The following TMEM178B variants were observed in gnomAD, a reference collection of about 807,000 sequenced individuals.
TMEM178B encodes the protein transmembrane protein 178B.
Under a neutral mutation model 31.0 loss-of-function variants are expected in TMEM178B, and 5 were observed. The observed-to-expected ratio is 0.16, with a 90% CI of 0.08 to 0.34. The LOEUF (loss-of-function observed/expected upper bound fraction) is 0.34, where lower values mean the gene tolerates loss of function less well. Among genes scored for constraint, TMEM178B ranks in the 10% least tolerant of loss-of-function variants. The pLI is 1.00. For synonymous variants in TMEM178B, 164 were observed against 164.0 expected (o/e 1.00, Z 0.00); for missense variants, 275 against 400.3 (o/e 0.69, Z 2.67).
rs558469453 is a variant in TMEM178B, at chr7:141,329,435, A to T, written c.497-108173A>T. ...GGTAACAGATTCTGCAAGGCAGCGT[A>T]CAGCCTCTTGAACCACCGTATCAAA... is the stretch of plus-strand genomic sequence containing the variant. On this transcript the variant is annotated intron_variant, in intron 2 of 3. Coordinates refer to ENST00000565468, the MANE Select transcript of TMEM178B (RefSeq NM_001195278.2). 5.3e-5 allele frequency among the ~76,000 whole-genome samples: 8 copies of T among 152,314 alleles called. No homozygotes were observed. In the East Asian group the frequency reaches 1.5e-3, roughly 29 times the overall value.
intron 1 of TMEM178B, among the ~76,000 whole-genome samples, chr7:141,190,498 A>T (rs1796679814): frequency 6.6e-6 from 1 of 150,588 alleles, no homozygotes. Context: ...TTATATAGAG[A>T]TGAAGGCTCT....
At position 141,151,713 on chromosome 7, in the gene TMEM178B, G is replaced by C. The variant is rs146795085; in HGVS notation, c.383-60878G>C. On this transcript the variant is annotated intron_variant, in intron 1 of 3. Coordinates refer to ENST00000565468, the MANE Select transcript of TMEM178B (RefSeq NM_001195278.2). ...ACCCACGCCATCATGATTTTAATCT[G>C]TGTGATCTTGAAAGACACCCCTCCT... Among the ~76,000 whole-genome samples, 611 of 152,336 alleles carry C rather than the reference G, an allele frequency of 4.0e-3. 7 individuals are homozygous for C. Among genetic ancestry groups the C allele is most frequent in the African/African-American group, 0.014 (589 of 41,574 alleles).
chr7:141,311,550 A>G (rs1306043225), intron 2 of TMEM178B, among the ~76,000 whole-genome samples: 1 of 152,218 alleles, frequency 6.6e-6, no homozygotes, highest in Non-Finnish European at 1.5e-5. Flanking sequence ...CTCATCTTGT[A>G]CTATGAATTT....
At chr7:141,398,624 G>A (rs17162203) in intron 2 of TMEM178B, among the ~76,000 whole-genome samples, 38,308 of 152,138 alleles carry the variant, frequency 0.25, 4,946 homozygotes, top group Admixed American at 0.29. Context: ...GCACATGGGA[G>A]GTAAATTTGA....
chr7:141,346,643 C>A lies in TMEM178B; in HGVS notation c.497-90965C>A, dbSNP rs115567892. Among the ~76,000 whole-genome samples the A allele has an allele frequency of 3.2e-3, 487 of 152,222 alleles. 1 individual carries two copies. The highest frequency in any genetic ancestry group is 9.7e-3 in the African/African-American group (403 of 41,538). ...ACACACACTGCTACACAGACACACA[C>A]CTCTAATTCTTTGCTTTTTTTTTTG... On this transcript the variant is annotated intron_variant, in intron 2 of 3. Transcript: ENST00000565468.
At chr7:141,322,150 T>A (rs12533826) in intron 2 of TMEM178B, among the ~76,000 whole-genome samples, 50,556 of 152,006 alleles carry the variant, frequency 0.33, 10,821 homozygotes, top group African/African-American at 0.6. Context: ...AATGTAGCCT[T>A]TTTTGTTGTT....
chr7:141,330,917 C>A (rs1365475480), intron 2 of TMEM178B, among the ~76,000 whole-genome samples: 1 of 152,078 alleles, frequency 6.6e-6, no homozygotes, highest in Non-Finnish European at 1.5e-5. Flanking sequence ...TCAAATTCTG[C>A]CTTTAATTTG....
At chr7:141,370,458 C>G (rs1172655529) in intron 2 of TMEM178B, among the ~76,000 whole-genome samples, 1 of 152,190 alleles carries the variant, frequency 6.6e-6, no homozygotes, top group Admixed American at 6.5e-5. Context: ...AGCTTTTAAT[C>G]CAGCAAAAGA....
chr7:141,390,916 C>T (rs182783368), intron 2 of TMEM178B, among the ~76,000 whole-genome samples: 77 of 152,140 alleles, frequency 5.1e-4, no homozygotes, highest in Admixed American at 2.4e-3. Context: ...AAACAATATG[C>T]GGCAGGAATT....
At chr7:141,424,486 G>A (rs1181729) in intron 2 of TMEM178B, among the ~76,000 whole-genome samples, 32,607 of 152,112 alleles carry the variant, frequency 0.21, 3,785 homozygotes, top group African/African-American at 0.28. Context: ...CTTATGAGAC[G>A]CAATCGGTGG....
At chr7:141,502,684 C>T in the TMEM178B span, among the ~76,000 whole-genome samples, 12,316 of 151,922 alleles carry the variant, frequency 0.081, 1,641 homozygotes, top group African/African-American at 0.28. Flanking sequence ...GCAGGAAAAT[C>T]GCTTGAACCC....
At chr7:141,300,369 A>G (rs1283164450) in intron 2 of TMEM178B, among the ~76,000 whole-genome samples, 1 of 152,162 alleles carries the variant, frequency 6.6e-6, no homozygotes, top group African/African-American at 2.4e-5. Flanking sequence ...TGATCAAGCA[A>G]TGGTAGTCCT....
At chr7:141,379,825 T>C (rs1800282709) in intron 2 of TMEM178B, among the ~76,000 whole-genome samples, 1 of 152,242 alleles carries the variant, frequency 6.6e-6, no homozygotes, top group South Asian at 2.1e-4. Flanking sequence ...AGTATTATAA[T>C]GTGAGAAGTG....
rs869132131 is a variant in TMEM178B, at chr7:141,438,696, T to TAAAAAAAAAAAA, written c.634+970_634+981dup. 1.3e-3 allele frequency among the ~76,000 whole-genome samples: 37 copies of TAAAAAAAAAAAA among 29,002 alleles called. 6 individuals are homozygous for TAAAAAAAAAAAA. Among genetic ancestry groups the TAAAAAAAAAAAA allele is most frequent in the African/African-American group, 3.1e-3 (34 of 11,118 alleles). 19.0% of individuals were successfully genotyped at this position (29,002 alleles called of 152,430 possible). A position where few individuals can be genotyped will look rare whatever the true frequency, so the allele number is the denominator to read the frequency against. ...CAGCTTGGTAAAACCCCGTCTCTAC[T>TAAAAAAAAAAAA]AAAAAAAAAAAAAAAAAAAAAAAAA... On this transcript the variant is annotated intron_variant, in intron 3 of 3. Coordinates refer to ENST00000565468, the MANE Select transcript of TMEM178B (RefSeq NM_001195278.2).
chr7:141,257,862 G>A (rs996891963), intron 2 of TMEM178B, among the ~76,000 whole-genome samples: 1 of 151,510 alleles, frequency 6.6e-6, no homozygotes, highest in South Asian at 2.1e-4. Flanking sequence ...ATTTCCATTG[G>A]CAGTTTTGCT....
chr7:141,485,380 C>A (rs533582995), downstream of TMEM178B, among the ~76,000 whole-genome samples: 233 of 152,314 alleles, frequency 1.5e-3, no homozygotes, highest in African/African-American at 5.4e-3. Flanking sequence ...AGTGTTGTAA[C>A]TTTGGGCAAG....
intron 2 of TMEM178B, among the ~76,000 whole-genome samples, chr7:141,226,290 G>A (rs761624663): frequency 6.6e-6 from 1 of 152,096 alleles, no homozygotes. Context: ...TGACAATGCT[G>A]ACTGACACCA....
intron 2 of TMEM178B, among the ~76,000 whole-genome samples, chr7:141,345,886 T>C (rs1317972396): frequency 1.3e-5 from 2 of 152,186 alleles, no homozygotes; most frequent in Admixed American, 6.5e-5. Flanking sequence ...GTTCTTATCT[T>C]CCACCACCTT....
chr7:141,159,648 A>G lies in TMEM178B; in HGVS notation c.383-52943A>G, dbSNP rs137944143. On this transcript the variant is annotated intron_variant, in intron 1 of 3. Coordinates refer to ENST00000565468, the MANE Select transcript of TMEM178B (RefSeq NM_001195278.2). ...AACGAGGGAAATTCTGACGCACGCT[A>G]CAACACGGATGAACCTGGAGGACAT... Among the ~76,000 whole-genome samples, 93 of 152,352 alleles carry G rather than the reference A, an allele frequency of 6.1e-4. No individual in the cohort carries two copies. The East Asian group carries it at 6.9e-3, about 11-fold the overall frequency.
Sources: allele counts gnomAD v4.1 joint callset (sites outside exome capture counted in the v4.1 genomes callset), GRCh38; gene constraint gnomAD v4.1.1; transcripts MANE v1.5; gene names NCBI Gene and HGNC (gene_info 2026-07-23, HGNC 2026-07-21).